Variants in FGFR1OP2 observed in about 807,000 individuals in gnomAD.
FGFR1OP2 encodes FGFR1 oncogene partner 2.
FGFR1OP2 carries 17 observed loss-of-function variants against 35.2 expected under a neutral mutation model. The ratio of observed to expected loss-of-function variants is 0.48; its 90% CI spans 0.33 to 0.73. FGFR1OP2 has a LOEUF of 0.73. Ranked by LOEUF, FGFR1OP2 falls within the 30% of genes least tolerant of loss-of-function variation. The pLI, the probability that FGFR1OP2 is intolerant of heterozygous loss-of-function variation, is 0.02. For synonymous variants in FGFR1OP2, 105 were observed against 104.6 expected, an observed-to-expected ratio of 1.00 and a Z score of -0.03; for missense variants, 251 against 307.3, an observed-to-expected ratio of 0.82 and a Z score of 1.37.
chr12:26,951,994 A>C (rs1204391667), intron 1 of FGFR1OP2, among the ~76,000 whole-genome samples: 1 of 150,018 alleles, frequency 6.7e-6, no homozygotes, highest in Non-Finnish European at 1.5e-5. Flanking sequence ...TTTGTCTTTT[A>C]TTACTTTCAC....
At chr12:26,951,938 C>CT (rs576407311) in intron 1 of FGFR1OP2, among the ~76,000 whole-genome samples, 2 of 152,064 alleles carry the variant, frequency 1.3e-5, no homozygotes, top group Non-Finnish European at 2.9e-5. Flanking sequence ...CCAAGGTAAA[C>CT]TTTATTTTCT....
intron 6 of FGFR1OP2, among the ~76,000 whole-genome samples, chr12:26,964,300 C>G (rs1251170553): frequency 1.3e-5 from 2 of 152,074 alleles, no homozygotes; most frequent in African/African-American, 4.8e-5. Context: ...ATGTTATTTT[C>G]TTCATCTCTA....
rs754276692 is a variant in FGFR1OP2, at chr12:26,960,489, A to G, written c.397-26A>G. ...TTAAATTACGGATGATATCCGTATT[A>G]ACATTATAATGACTCTATACTACAG... On this transcript the variant is annotated intron_variant, in intron 4 of 6. Coordinates refer to ENST00000229395, the MANE Select transcript of FGFR1OP2 (RefSeq NM_015633.3). The G allele has an allele frequency of 2.6e-6, 4 of 1,520,328 alleles. No individual in the cohort carries two copies. The South Asian group carries it at 4.6e-5, about 18-fold the overall frequency. The allele number at this position is 1,520,328 out of a possible 1,614,324, so 94.2% of individuals were successfully genotyped here.
rs1474725446 is a variant in FGFR1OP2, at chr12:26,965,145, C to T, written c.*412C>T. 1 of 155,928 alleles carries T rather than the reference C, an allele frequency of 6.4e-6. No individual in the cohort carries two copies. The highest frequency in any genetic ancestry group is 1.4e-5 in the Non-Finnish European group (1 of 70,230). The allele number at this position is 155,928 out of a possible 1,614,324, so 9.7% of individuals were successfully genotyped here. ...GAGGATTTGTACGCTAAATTTCATC[C>T]TTATTTGGCGTCAAAGTTGATGCAA... On this transcript the variant is annotated 3_prime_UTR_variant, in exon 7 of 7. Transcript: ENST00000229395.
intron 1 of FGFR1OP2, among the ~76,000 whole-genome samples, chr12:26,946,477 A>AT (rs1010878480): frequency 6.6e-6 from 1 of 151,840 alleles, no homozygotes; most frequent in African/African-American, 2.4e-5. Context: ...CGCCCGGTTA[A>AT]TTTTTTGTAT....
At chr12:26,955,835 G>A (rs1939009445) in intron 2 of FGFR1OP2, among the ~76,000 whole-genome samples, 1 of 152,164 alleles carries the variant, frequency 6.6e-6, no homozygotes, top group Non-Finnish European at 1.5e-5. Flanking sequence ...GGGTATATAT[G>A]TAGAAGTAGA....
chr12:26,945,172 T>C (rs1938799900), intron 1 of FGFR1OP2, among the ~76,000 whole-genome samples: 1 of 152,098 alleles, frequency 6.6e-6, no homozygotes, highest in South Asian at 2.1e-4. Flanking sequence ...ACTGGCTTTT[T>C]ATTTCATTAG....
chr12:26,959,053 G>A (rs1377606770), intron 4 of FGFR1OP2, among the ~76,000 whole-genome samples: 1 of 151,958 alleles, frequency 6.6e-6, no homozygotes, highest in Non-Finnish European at 1.5e-5. Context: ...GCTTGTACGT[G>A]TTTTTAACTT....
chr12:26,941,291 G>A (rs1175142084), intron 1 of FGFR1OP2, among the ~76,000 whole-genome samples: 2 of 152,178 alleles, frequency 1.3e-5, no homozygotes, highest in African/African-American at 4.8e-5. Flanking sequence ...TTGGAAAACA[G>A]TCTTCTTCCT....
At chr12:26,948,721 G>A (rs908375071) in intron 1 of FGFR1OP2, among the ~76,000 whole-genome samples, 1 of 152,298 alleles carries the variant, frequency 6.6e-6, no homozygotes. Flanking sequence ...AAATGTATAA[G>A]TTTCAACTAT....
At chr12:26,952,481 T>C (rs1444689783) in intron 1 of FGFR1OP2, among the ~76,000 whole-genome samples, 3 of 152,178 alleles carry the variant, frequency 2.0e-5, no homozygotes, top group Non-Finnish European at 4.4e-5. Context: ...TGGTTTTCTC[T>C]AGAGAGCCAG....
Position 26,964,845 on chromosome 12 carries a change from T to C in FGFR1OP2, c.*112T>C. On this transcript the variant is annotated 3_prime_UTR_variant, in exon 7 of 7. Coordinates refer to ENST00000229395, the MANE Select transcript of FGFR1OP2 (RefSeq NM_015633.3). ...TTTTTTTCTCTGTAAATATGTACAG[T>C]GCACGGGCTATGAGATAGCAACAAA... 8.7e-7 allele frequency: 1 copy of C among 1,155,142 alleles called. No homozygotes were observed. The allele number at this position is 1,155,142 out of a possible 1,614,324, so 71.6% of individuals were successfully genotyped here.
Position 26,956,574 on chromosome 12 carries a change from T to G in FGFR1OP2, c.167T>G (p.Val56Gly). Reference sequence around the variant, plus strand: ...GAAGAAATTCAAGAACTTAATGAAGTCGCGAGACATCGGCCACGGTCCACG... The same window carrying G: ...GAAGAAATTCAAGAACTTAATGAAGGCGCGAGACATCGGCCACGGTCCACG... Reference protein sequence around the residue: ...YQEEIQELNEVARHRPRSTLV... With the variant: ...YQEEIQELNEGARHRPRSTLV... The change falls in exon 3 of 7, where the codon GTC becomes GGC. Residue 56 changes from valine to glycine, a missense_variant. Transcript: ENST00000229395. 2 of 1,591,720 alleles carry G rather than the reference T, an allele frequency of 1.3e-6. No homozygotes were observed. Among genetic ancestry groups the G allele is most frequent in the Non-Finnish European group, 1.7e-6 (2 of 1,168,982 alleles).
intron 1 of FGFR1OP2, among the ~76,000 whole-genome samples, chr12:26,944,906 C>A (rs780085792): frequency 6.6e-6 from 1 of 152,108 alleles, no homozygotes; most frequent in Middle Eastern, 3.4e-3. Context: ...TAGGATTATT[C>A]ATAGTTGTCT....
intron 5 of FGFR1OP2, chr12:26,961,900 ATAT>A (rs1939110770): frequency 6.6e-6 from 1 of 152,228 alleles, no homozygotes; most frequent in African/African-American, 2.4e-5. Flanking sequence ...CTGCTTTTAC[ATAT>A]TATGCTTCCT....
chr12:26,938,530 C>A lies in FGFR1OP2; in HGVS notation c.-195C>A, dbSNP rs1360783349. 6.6e-6 allele frequency: 1 copy of A among 152,224 alleles called. No individual in the cohort carries two copies. The highest frequency in any genetic ancestry group is 1.5e-5 in the Non-Finnish European group (1 of 68,056). 9.4% of individuals were successfully genotyped at this position (152,224 alleles called of 1,614,324 possible). On this transcript the variant is annotated 5_prime_UTR_variant, in exon 1 of 7. Transcript: ENST00000229395. The stretch of plus-strand genomic sequence containing the variant: ...GAGGTGTCTACCCCGCCGGTGATGG[C>A]GTTGAACGCCACTGGCTTCCCGGCC...
At chr12:26,946,114 AT>A (rs1475794918) in intron 1 of FGFR1OP2, among the ~76,000 whole-genome samples, 1 of 152,066 alleles carries the variant, frequency 6.6e-6, no homozygotes, top group South Asian at 2.1e-4. Context: ...GGAATGTTTA[AT>A]TTTTCAGCAG....
chr12:26,960,179 A>G (rs1222959736), intron 4 of FGFR1OP2, among the ~76,000 whole-genome samples: 2 of 152,180 alleles, frequency 1.3e-5, no homozygotes, highest in Non-Finnish European at 2.9e-5. Context: ...GCCTAAACAC[A>G]AAAGTAATTT....
rs1466441439 is a variant in FGFR1OP2 at position 26,963,235 on chromosome 12, A to G, written c.511-107A>G. ...TTTGTTTTATTCATATTAAGTGACAATGTAAGAATATTCATGTTAAGTGGT... is the reference window on the plus strand; with the variant it reads ...TTTGTTTTATTCATATTAAGTGACAGTGTAAGAATATTCATGTTAAGTGGT... On this transcript the variant is annotated intron_variant, in intron 5 of 6. Transcript: ENST00000229395. 11 of 593,284 alleles carry G rather than the reference A, an allele frequency of 1.9e-5. 1 individual carries two copies. The highest frequency in any genetic ancestry group is 3.2e-5 in the Admixed American group (1 of 31,438). 36.8% of individuals were successfully genotyped at this position (593,284 alleles called of 1,614,324 possible).
Sources: allele counts gnomAD v4.1 joint callset (sites outside exome capture counted in the v4.1 genomes callset), GRCh38; gene constraint gnomAD v4.1.1; transcripts MANE v1.5; gene names NCBI Gene and HGNC (gene_info 2026-07-23, HGNC 2026-07-21).